The following RNF103 variants were observed in gnomAD, a reference collection of about 807,000 sequenced individuals.
The protein encoded by RNF103 is E3 ubiquitin-protein ligase RNF103.
In RNF103, 23 loss-of-function variants were observed where a neutral mutation model predicts 66.2. The ratio of observed to expected loss-of-function variants is 0.35; its 90% CI spans 0.25 to 0.49. The LOEUF (loss-of-function observed/expected upper bound fraction) is 0.49, where lower values mean the gene tolerates loss of function less well. RNF103 is among the 20% of genes least tolerant of loss of function. The pLI, the probability that RNF103 is intolerant of heterozygous loss-of-function variation, is 0.98. For synonymous variants in RNF103, 297 were observed against 289.9 expected, an observed-to-expected ratio of 1.02 and a Z score of -0.25; for missense variants, 730 against 814.7, an observed-to-expected ratio of 0.90 and a Z score of 1.27.
chr2:86,613,677 G>A (rs1678893611), intron 2 of RNF103: 3 of 152,128 alleles, frequency 2.0e-5, no homozygotes, highest in Admixed American at 2.0e-4. Context: ...GGAGACGCAA[G>A]AGGTGGTGCA....
chr2:86,618,068 C>A, intron 2 of RNF103: 1 of 445,146 alleles, frequency 2.2e-6, no homozygotes. Context: ...AGAAAAACCA[C>A]AGAAATACAT....
intron 1 of RNF103, 151 bp downstream of exon 1, chr2:86,622,510 T>C (rs1679270042): frequency 1.4e-6 from 1 of 694,284 alleles, no homozygotes; most frequent in Non-Finnish European, 2.5e-6. Flanking sequence ...GGGATCCGCA[T>C]ACTTGATTGT....
rs1007459905 is a variant in RNF103 at position 86,607,971 on chromosome 2, G to A, written c.483-2553C>T. Among the ~76,000 whole-genome samples the A allele has an allele frequency of 1.4e-4, 22 of 152,234 alleles. 1 individual carries two copies. The highest frequency in any genetic ancestry group is 5.1e-4 in the African/African-American group (21 of 41,532). ...GCTAAGTAATAATTTTATCATTCCA[G>A]ATAGAATAAGGTTGTATTACCTTAC... On this transcript the variant is annotated intron_variant, in intron 3 of 3. Coordinates refer to ENST00000237455, the MANE Select transcript of RNF103 (RefSeq NM_005667.4).
At chr2:86,607,981 G>A (rs1573354535) in intron 3 of RNF103, among the ~76,000 whole-genome samples, 3 of 152,208 alleles carry the variant, frequency 2.0e-5, no homozygotes, top group African/African-American at 7.2e-5. Context: ...GATAGAATAA[G>A]GTTGTATTAC....
In RNF103 at chr2:86,612,141, A is replaced by G. The variant is rs762264790; in HGVS notation, c.482+18T>C. On this transcript the variant is annotated intron_variant, in intron 3 of 3. Transcript: ENST00000237455. ...CCTGGTCAGGACTCAAATTCTAAGA[A>G]TTGCCTAATCAACTTACCTGGGATC... is the stretch of plus-strand genomic sequence containing the variant. 14 of 1,535,816 alleles carry G rather than the reference A, an allele frequency of 9.1e-6. No individual in the cohort carries two copies. Among genetic ancestry groups the G allele is most frequent in the Non-Finnish European group, 1.2e-5 (13 of 1,116,762 alleles).
Position 86,604,462 on chromosome 2 carries a change from G to T in RNF103, c.1439C>A (p.Ser480Tyr). ...IASFQNFPVE[S>Y]DWDEDPDLFL... ...TAAGTCAGGGTCTTCGTCCCAATCAGATTCTACAGGAAAGTTCTGAAAAGA... is the reference window on the plus strand; with the variant it reads ...TAAGTCAGGGTCTTCGTCCCAATCATATTCTACAGGAAAGTTCTGAAAAGA... Residue 480 changes from serine (S) to tyrosine (Y), a missense_variant, in exon 4 of 4, where the codon TCT becomes TAT. Ser to Tyr is a moderately radical substitution (Grantham distance 144). Around this residue, in one of 3 missense-constraint regions of RNF103, gnomAD observed 355 missense variants for 351.9 expected, o/e 1.01. Transcript: ENST00000237455. The T allele has an allele frequency of 6.2e-7, 1 of 1,614,238 alleles. No homozygotes were observed. Among genetic ancestry groups the T allele is most frequent in the Admixed American group, 1.7e-5 (1 of 60,030 alleles).
Position 86,615,020 on chromosome 2 carries a change from T to C in RNF103, c.367-2746A>G, listed in dbSNP as rs1314002681. 5 of 985,260 alleles carry C rather than the reference T, an allele frequency of 5.1e-6. No homozygotes were observed. In the Admixed American group the frequency reaches 1.8e-4, roughly 36 times the overall value. The allele number at this position is 985,260 out of a possible 1,614,324, so 61.0% of individuals were successfully genotyped here. ...ATCTTTCAGTGAAGATCTTGTTCAC[T>C]GCACAGGTATCTTTGAGACATGTGA... On this transcript the variant is annotated intron_variant, in intron 2 of 3. Coordinates refer to ENST00000237455, the MANE Select transcript of RNF103 (RefSeq NM_005667.4).
At chr2:86,606,474 C>T (rs1247796107) in intron 3 of RNF103, among the ~76,000 whole-genome samples, 1 of 151,904 alleles carries the variant, frequency 6.6e-6, no homozygotes, top group Non-Finnish European at 1.5e-5. Context: ...ACCATCCTGG[C>T]CAACATGGTG....
In RNF103 at chr2:86,617,807, C is replaced by T; in HGVS notation, c.366+2523G>A. On this transcript the variant is annotated intron_variant, in intron 2 of 3. Transcript: ENST00000237455. ...GCATAGTTTTAAAAAGTACAACCCT[C>T]TTTTAAGGGCTTAAACCAAGGTGGC... 4 of 1,044,966 alleles carry T rather than the reference C, an allele frequency of 3.8e-6. No homozygotes were observed. In the South Asian group the frequency reaches 1.2e-4, roughly 32 times the overall value. 64.7% of individuals were successfully genotyped at this position (1,044,966 alleles called of 1,614,324 possible). A position where few individuals can be genotyped will look rare whatever the true frequency, so the allele number is the denominator to read the frequency against.
intron 3 of RNF103, among the ~76,000 whole-genome samples, chr2:86,605,698 C>A (rs954122563): frequency 6.6e-6 from 1 of 151,876 alleles, no homozygotes; most frequent in Non-Finnish European, 1.5e-5. Flanking sequence ...CCTACAACTG[C>A]GTTATGTGCT....
intron 2 of RNF103, chr2:86,617,669 T>C (rs1198150046): frequency 1.0e-6 from 1 of 985,636 alleles, no homozygotes; most frequent in African/African-American, 1.7e-5. Context: ...TTAAAAACAA[T>C]TCTTGAAAGT....
intron 1 of RNF103, 136 bp downstream of exon 1, chr2:86,622,525 A>G: frequency 1.3e-6 from 1 of 767,496 alleles, no homozygotes; most frequent in Non-Finnish European, 2.2e-6. Context: ...GATTGTAGGA[A>G]GCTTGGACGA....
chr2:86,623,527 G>T lies in RNF103; in HGVS notation c.-641C>A. On this transcript the variant is annotated 5_prime_UTR_variant, in exon 1 of 4. Transcript: ENST00000237455. ...GCCCCGCCGACCGCCCAGGCTCCGC[G>T]AGAAGAGCGGCGGGCACGGCGGCGG... The T allele has an allele frequency of 1.0e-6, 1 of 984,956 alleles. No individual in the cohort carries two copies. The highest frequency in any genetic ancestry group is 1.2e-6 in the Non-Finnish European group (1 of 830,112). The allele number at this position is 984,956 out of a possible 1,614,324, so 61.0% of individuals were successfully genotyped here. A position where few individuals can be genotyped will look rare whatever the true frequency, so the allele number is the denominator to read the frequency against.
Position 86,603,872 on chromosome 2 carries a change from G to A in RNF103, c.2029C>T (p.Gln677Ter). Reference sequence around the variant, plus strand: ...GATGGGACATCATTTGACAAGGGCTGGTGTTGTGCATATGGCTGCTTTTTT... The same window carrying A: ...GATGGGACATCATTTGACAAGGGCTAGTGTTGTGCATATGGCTGCTTTTTT... ...YKKKQPYAQH[Q>*]PLSNDVPS Residue 677 changes from glutamine (Q) to a stop codon, truncating the protein, a stop_gained, in exon 4 of 4, where the codon CAG becomes TAG. Coordinates refer to ENST00000237455, the MANE Select transcript of RNF103 (RefSeq NM_005667.4). LOFTEE classifies it high-confidence loss of function. The A allele has an allele frequency of 6.2e-7, 1 of 1,613,848 alleles. No homozygotes were observed. The highest frequency in any genetic ancestry group is 1.7e-5 in the Admixed American group (1 of 59,986).
At chr2:86,611,616 A>G (rs1419415923) in intron 3 of RNF103, among the ~76,000 whole-genome samples, 5 of 152,294 alleles carry the variant, frequency 3.3e-5, no homozygotes, top group East Asian at 1.9e-4. Context: ...AATGGGGGGG[A>G]AAACCGGCGA....
Position 86,622,667 on chromosome 2 carries a change from T to C in RNF103, c.220A>G (p.Lys74Glu). The change falls in exon 1 of 4, where the codon AAG becomes GAG. Residue 74 changes from lysine to glutamate, a missense_variant. Transcript: ENST00000237455. The stretch of plus-strand genomic sequence containing the variant: ...GGGGAAGCCCGATACTCGCCTGACT[T>C]TTCCACCAGCTCCCGGACATCCTTC... ...EKKDVRELVE[K>E]SGDLMEGELY... 6.2e-7 allele frequency: 1 copy of C among 1,613,960 alleles called. No homozygotes were observed. The highest frequency in any genetic ancestry group is 1.1e-5 in the South Asian group (1 of 91,064).
At chr2:86,619,007 T>A (rs1457901045) in intron 2 of RNF103, among the ~76,000 whole-genome samples, 1 of 152,104 alleles carries the variant, frequency 6.6e-6, no homozygotes, top group African/African-American at 2.4e-5. Flanking sequence ...AAAGGACAAA[T>A]GCAATAGGAA....
At chr2:86,622,074 C>A (rs1679248985) in intron 1 of RNF103, among the ~76,000 whole-genome samples, 1 of 152,132 alleles carries the variant, frequency 6.6e-6, no homozygotes, top group African/African-American at 2.4e-5. Flanking sequence ...TAAACTCGAA[C>A]ATGGCAGGCA....
intron 3 of RNF103, among the ~76,000 whole-genome samples, chr2:86,608,380 G>C (rs1678653456): frequency 6.6e-6 from 1 of 151,530 alleles, no homozygotes; most frequent in Non-Finnish European, 1.5e-5. Context: ...CCAGCTACTT[G>C]GGGGGCTGAG....
Sources: allele counts gnomAD v4.1 joint callset (sites outside exome capture counted in the v4.1 genomes callset), GRCh38; gene constraint gnomAD v4.1.1; regional missense constraint gnomAD v4.1.1; transcripts MANE v1.5; gene names NCBI Gene and HGNC (gene_info 2026-07-23, HGNC 2026-07-21).